The following NRG3 variants were observed in gnomAD, a reference collection of about 807,000 sequenced individuals.
NRG3 encodes pro-neuregulin-3, membrane-bound isoform.
Under a neutral mutation model 66.9 loss-of-function variants are expected in NRG3, and 31 were observed. The ratio of observed to expected loss-of-function variants is 0.46; its 90% CI spans 0.35 to 0.63. NRG3 has a LOEUF of 0.63. Among genes scored for constraint, NRG3 ranks in the 20% least tolerant of loss-of-function variants. NRG3 has a pLI of 0.00. For synonymous variants in NRG3, 393 were observed against 359.4 expected, an observed-to-expected ratio of 1.09 and a Z score of -1.06; for missense variants, 910 against 878.9, an observed-to-expected ratio of 1.04 and a Z score of -0.45.
intron 1 of NRG3, among the ~76,000 whole-genome samples, chr10:82,080,559 G>T (rs529879779): frequency 2.0e-5 from 3 of 151,998 alleles, no homozygotes; most frequent in Non-Finnish European, 4.4e-5. Flanking sequence ...ACAGCCTGGT[G>T]ATCCCTGTCC....
intron 2 of NRG3, among the ~76,000 whole-genome samples, chr10:82,647,722 T>C (rs537088550): frequency 3.3e-5 from 5 of 152,080 alleles, no homozygotes; most frequent in South Asian, 2.1e-4. Flanking sequence ...TGGTATCTCA[T>C]TGTGGTTTTG....
chr10:82,930,368 AT>A (rs1247435468), intron 4 of NRG3, among the ~76,000 whole-genome samples: 1 of 152,232 alleles, frequency 6.6e-6, no homozygotes, highest in African/African-American at 2.4e-5. Context: ...AATAGAATTT[AT>A]AAACAGGACT....
At chr10:82,489,380 G>C (rs1380143877) in intron 2 of NRG3, among the ~76,000 whole-genome samples, 1 of 152,154 alleles carries the variant, frequency 6.6e-6, no homozygotes, top group Non-Finnish European at 1.5e-5. Flanking sequence ...CAGTTTTCTG[G>C]AATAAGCTTC....
At chr10:82,726,990 T>C (rs1387761929) in intron 2 of NRG3, among the ~76,000 whole-genome samples, 1 of 152,142 alleles carries the variant, frequency 6.6e-6, no homozygotes, top group Non-Finnish European at 1.5e-5. Flanking sequence ...TCCCCTTCCC[T>C]AGATATTTGT....
rs536706542 is a variant in NRG3 at position 82,953,419 on chromosome 10, G to T, written c.1157+1848G>T. On this transcript the variant is annotated intron_variant, in intron 5 of 8. Coordinates refer to ENST00000372141, the MANE Select transcript of NRG3 (RefSeq NM_001010848.4). ...ACTGGTTCACATAGTCCTTCTGCTA[G>T]ATGGTGGAGCTGCGCAGAGCGAGTT... is the stretch of plus-strand genomic sequence containing the variant. Among the ~76,000 whole-genome samples the T allele has an allele frequency of 2.7e-4, 41 of 152,108 alleles. 2 individuals carry two copies. The South Asian group carries it at 5.8e-3, about 22-fold the overall frequency.
chr10:81,918,214 C>T (rs1451513051), intron 1 of NRG3, among the ~76,000 whole-genome samples: 1 of 152,140 alleles, frequency 6.6e-6, no homozygotes, highest in Non-Finnish European at 1.5e-5. Context: ...TCTATATATT[C>T]CCCATCTTAT....
intron 1 of NRG3, among the ~76,000 whole-genome samples, chr10:81,918,673 A>G (rs1268626991): frequency 1.3e-5 from 2 of 152,138 alleles, no homozygotes; most frequent in African/African-American, 4.8e-5. Context: ...AATTCAGTCA[A>G]AAGAAGATGC....
At chr10:82,613,534 C>T (rs1190311547) in intron 2 of NRG3, among the ~76,000 whole-genome samples, 1 of 151,378 alleles carries the variant, frequency 6.6e-6, no homozygotes, top group Non-Finnish European at 1.5e-5. Context: ...TATTTTTAAG[C>T]AATGTCACAT....
chr10:82,619,416 G>T (rs1164209304), intron 2 of NRG3, among the ~76,000 whole-genome samples: 2 of 152,114 alleles, frequency 1.3e-5, no homozygotes, highest in African/African-American at 4.8e-5. Context: ...GGGGACCATG[G>T]AAACTAGCCA....
At chr10:82,518,813 A>C (rs1845931542) in intron 2 of NRG3, among the ~76,000 whole-genome samples, 1 of 152,130 alleles carries the variant, frequency 6.6e-6, no homozygotes, top group Admixed American at 6.5e-5. Context: ...CACGTTCAAA[A>C]AATCCCATTG....
At chr10:82,688,211 A>G (rs1423478218) in intron 2 of NRG3, among the ~76,000 whole-genome samples, 1 of 152,214 alleles carries the variant, frequency 6.6e-6, no homozygotes, top group Admixed American at 6.5e-5. Flanking sequence ...ACCCTTGAAC[A>G]TATCTGTATT....
chr10:82,748,495 A>C (rs7899148), intron 3 of NRG3, among the ~76,000 whole-genome samples: 13,027 of 151,422 alleles, frequency 0.086, 1,740 homozygotes, highest in African/African-American at 0.29. Context: ...CTTAAAAAAA[A>C]CTTGAAGGCA....
intron 2 of NRG3, among the ~76,000 whole-genome samples, chr10:82,646,572 A>T (rs1387205800): frequency 6.6e-6 from 1 of 152,220 alleles, no homozygotes; most frequent in African/African-American, 2.4e-5. Context: ...AAGACAAACA[A>T]AGCTAGATGT....
intron 1 of NRG3, among the ~76,000 whole-genome samples, chr10:82,185,511 C>T (rs910650252): frequency 6.6e-6 from 1 of 152,142 alleles, no homozygotes; most frequent in African/African-American, 2.4e-5. Flanking sequence ...GAAAACAATT[C>T]CAAATTGACA....
chr10:82,794,191 A>C (rs1333209), intron 3 of NRG3, among the ~76,000 whole-genome samples: 3,024 of 152,222 alleles, frequency 0.02, 104 homozygotes, highest in African/African-American at 0.069. Flanking sequence ...TAAATATCCT[A>C]TCTCATTCAT....
At chr10:82,143,620 A>G (rs1278879590) in intron 1 of NRG3, among the ~76,000 whole-genome samples, 1 of 152,214 alleles carries the variant, frequency 6.6e-6, no homozygotes, top group Non-Finnish European at 1.5e-5. Flanking sequence ...ATTTAGAAGC[A>G]AGATATAGAA....
At chr10:82,410,295 C>T (rs1300489497) in intron 2 of NRG3, among the ~76,000 whole-genome samples, 2 of 151,750 alleles carry the variant, frequency 1.3e-5, no homozygotes, top group Non-Finnish European at 2.9e-5. Flanking sequence ...ATATTCTAAA[C>T]ATAATATAAT....
chr10:82,727,897 G>A (rs2057691340), intron 2 of NRG3, among the ~76,000 whole-genome samples: 2 of 152,140 alleles, frequency 1.3e-5, no homozygotes, highest in African/African-American at 4.8e-5. Flanking sequence ...TCACATCATT[G>A]TGACCCAGAT....
chr10:82,854,103 C>A (rs773298081), intron 3 of NRG3, among the ~76,000 whole-genome samples: 1 of 152,032 alleles, frequency 6.6e-6, no homozygotes, highest in African/African-American at 2.4e-5. Flanking sequence ...GCACTAGAGG[C>A]GGAAGAAAAT....
Sources: gnomAD v4.1 joint callset for allele counts (sites outside exome capture counted in the v4.1 genomes callset) on GRCh38, gnomAD v4.1.1 for gene constraint, MANE v1.5 for transcripts, NCBI Gene and HGNC (gene_info 2026-07-23, HGNC 2026-07-21) for gene names.